The following INSYN2B variants were observed in gnomAD, a reference collection of about 807,000 sequenced individuals.
INSYN2B encodes inhibitory synaptic factor family member 2B.
INSYN2B carries 16 observed loss-of-function variants against 41.2 expected under a neutral mutation model. The observed-to-expected ratio is 0.39, with a 90% CI of 0.26 to 0.59. The LOEUF is 0.59. INSYN2B is among the 20% of genes least tolerant of loss of function. The pLI is 0.57. For synonymous variants in INSYN2B, 245 were observed against 244.4 expected (o/e 1.00, Z -0.02); for missense variants, 608 against 646.4 (o/e 0.94, Z 0.64).
chr5:169,952,032 A>C (rs1332448899), intron 1 of INSYN2B, among the ~76,000 whole-genome samples: 1 of 152,214 alleles, frequency 6.6e-6, no homozygotes, highest in Non-Finnish European at 1.5e-5. Context: ...CTATTCTCAC[A>C]ACATGTGAAA....
chr5:169,885,992 C>T (rs955625962), intron 1 of INSYN2B, among the ~76,000 whole-genome samples: 5 of 152,100 alleles, frequency 3.3e-5, no homozygotes, highest in Middle Eastern at 3.2e-3. Flanking sequence ...ATTCCAAAGT[C>T]TGCATTCTTA....
chr5:169,956,372 T>C (rs1468772381), intron 1 of INSYN2B, among the ~76,000 whole-genome samples: 2 of 152,224 alleles, frequency 1.3e-5, no homozygotes, highest in African/African-American at 2.4e-5. Flanking sequence ...AAGAGGCTGC[T>C]CCTGATCTCA....
chr5:169,879,076 T>C (rs1054356470), intron 3 of INSYN2B, among the ~76,000 whole-genome samples: 1 of 152,140 alleles, frequency 6.6e-6, no homozygotes, highest in South Asian at 2.1e-4. Context: ...GCAAGCAGCA[T>C]AGCCATAGCC....
chr5:169,979,448 C>T (rs1431872471), intron 1 of INSYN2B, among the ~76,000 whole-genome samples: 8 of 152,168 alleles, frequency 5.3e-5, no homozygotes, highest in Non-Finnish European at 7.3e-5. Context: ...AATGTTATTC[C>T]ATGATTCTAT....
chr5:169,876,300 G>T (rs1772331370), intron 3 of INSYN2B, among the ~76,000 whole-genome samples: 1 of 152,198 alleles, frequency 6.6e-6, no homozygotes, highest in Admixed American at 6.5e-5. Flanking sequence ...GGGTCTGTAG[G>T]ATGTGGACAC....
intron 1 of INSYN2B, among the ~76,000 whole-genome samples, chr5:169,912,175 C>T (rs1774632106): frequency 6.6e-6 from 1 of 152,078 alleles, no homozygotes; most frequent in Admixed American, 6.5e-5. Context: ...CTCCTTCTTT[C>T]TTCTTTTGTT....
chr5:169,954,350 A>G (rs1276324360), intron 1 of INSYN2B, among the ~76,000 whole-genome samples: 1 of 152,260 alleles, frequency 6.6e-6, no homozygotes, highest in Admixed American at 6.5e-5. Flanking sequence ...AATGATGTTT[A>G]TATAACATTC....
chr5:169,925,578 T>TAAAAAAAAAAAAAAAAAAAAA (rs1561828965), intron 1 of INSYN2B, among the ~76,000 whole-genome samples: 1 of 32,324 alleles, frequency 3.1e-5, no homozygotes, highest in African/African-American at 1.3e-4. Flanking sequence ...AGACTCTGTC[T>TAAAAAAAAAAAAAAAAAAAAA]TAAAAAAAAA....
intron 1 of INSYN2B, among the ~76,000 whole-genome samples, chr5:169,930,255 G>T (rs1425933704): frequency 6.6e-6 from 1 of 152,160 alleles, no homozygotes; most frequent in African/African-American, 2.4e-5. Context: ...CTCCCAAAGT[G>T]CTGGGATTAC....
In INSYN2B at chr5:169,861,808, C is replaced by G. The variant is rs2113409540; in HGVS notation, c.*2465G>C. Among the ~76,000 whole-genome samples the G allele has an allele frequency of 6.6e-6, 1 of 152,236 alleles. No homozygotes were observed. The highest frequency in any genetic ancestry group is 2.1e-4 in the South Asian group (1 of 4,826). On this transcript the variant is annotated 3_prime_UTR_variant, in exon 4 of 4. Transcript: ENST00000377365. ...AATATCAATTTTTCAGAAGAGAACT[C>G]CTTCCCAGTTTCAGGTCAGTGGCCC...
At chr5:169,899,810 A>T (rs926537707) in intron 1 of INSYN2B, among the ~76,000 whole-genome samples, 1 of 152,218 alleles carries the variant, frequency 6.6e-6, no homozygotes, top group African/African-American at 2.4e-5. Context: ...TGTTGACTCC[A>T]TAAGTTTTTA....
At chr5:169,974,965 C>T (rs1353081326) in intron 1 of INSYN2B, among the ~76,000 whole-genome samples, 1 of 152,000 alleles carries the variant, frequency 6.6e-6, no homozygotes, top group East Asian at 1.9e-4. Flanking sequence ...TCAGGTAGGC[C>T]CCCAGACTTG....
intron 1 of INSYN2B, among the ~76,000 whole-genome samples, chr5:169,937,136 G>A (rs1346781362): frequency 1.3e-5 from 2 of 152,184 alleles, no homozygotes; most frequent in African/African-American, 4.8e-5. Context: ...AAGTTTTACT[G>A]CGGCACAGAT....
intron 1 of INSYN2B, among the ~76,000 whole-genome samples, chr5:169,948,991 CA>C (rs1042733771): frequency 6.6e-6 from 1 of 152,126 alleles, no homozygotes; most frequent in Admixed American, 6.5e-5. Flanking sequence ...CATCCAGTTA[CA>C]AAGGTGCAAT....
intron 1 of INSYN2B, among the ~76,000 whole-genome samples, chr5:169,966,682 T>C (rs1265948785): frequency 6.6e-6 from 1 of 152,110 alleles, no homozygotes; most frequent in Non-Finnish European, 1.5e-5. Context: ...GGACAGCAAG[T>C]GGCAGGACAG....
intron 1 of INSYN2B, among the ~76,000 whole-genome samples, chr5:169,919,824 T>C (rs935060229): frequency 2.4e-4 from 36 of 152,214 alleles, no homozygotes; most frequent in Admixed American, 2.4e-3. Context: ...GATCAGGACC[T>C]GAAGTTAAAT....
At chr5:169,963,399 C>T (rs1777169857) in intron 1 of INSYN2B, among the ~76,000 whole-genome samples, 1 of 152,186 alleles carries the variant, frequency 6.6e-6, no homozygotes. Flanking sequence ...CCTCCCCATC[C>T]AGAGAGTCAT....
At chr5:169,906,769 C>T (rs570998969) in intron 1 of INSYN2B, among the ~76,000 whole-genome samples, 1 of 152,188 alleles carries the variant, frequency 6.6e-6, no homozygotes, top group Non-Finnish European at 1.5e-5. Context: ...CCTTGCTTTA[C>T]TGTCAGAAAG....
At chr5:169,912,250 G>T (rs1774638000) in intron 1 of INSYN2B, among the ~76,000 whole-genome samples, 1 of 151,758 alleles carries the variant, frequency 6.6e-6, no homozygotes, top group African/African-American at 2.4e-5. Context: ...TTAGAAAATG[G>T]GGTCTCACTG....
Sources: gnomAD v4.1 joint callset for allele counts (sites outside exome capture counted in the v4.1 genomes callset) on GRCh38, gnomAD v4.1.1 for gene constraint, MANE v1.5 for transcripts, NCBI Gene and HGNC (gene_info 2026-07-23, HGNC 2026-07-21) for gene names.